PRKG1: variants seen among roughly 807,000 people sequenced by gnomAD.
The protein encoded by PRKG1 is protein kinase cGMP-dependent 1, also known as cGMP-dependent protein kinase 1.
In PRKG1, 35 loss-of-function variants were observed where a neutral mutation model predicts 88.1. That is an observed-to-expected ratio of 0.40 (90% CI 0.30 to 0.53). The LOEUF (loss-of-function observed/expected upper bound fraction) is 0.53. Ranked by LOEUF, PRKG1 falls within the 20% of genes least tolerant of loss-of-function variation. The probability of loss-of-function intolerance (pLI) is 0.59; values close to 1 mark genes in which losing one functional copy is unlikely to be tolerated. For synonymous variants in PRKG1, 303 were observed against 292.5 expected, an observed-to-expected ratio of 1.04 and a Z score of -0.37; for missense variants, 540 against 839.8, an observed-to-expected ratio of 0.64 and a Z score of 4.41.
chr10:51,214,806 C>A (rs1397953508), intron 2 of PRKG1, among the ~76,000 whole-genome samples: 1 of 152,134 alleles, frequency 6.6e-6, no homozygotes, highest in African/African-American at 2.4e-5. Flanking sequence ...TATCAATGAA[C>A]TAACAGCAAA....
At position 51,648,826 on chromosome 10, in the gene PRKG1, A is replaced by G. The variant is rs955196883; in HGVS notation, c.593-155759A>G. ...GGAAAACAGAGCATTTCTAGGAATT[A>G]ACTATGTCACATGGAGGAAGTAATT... On this transcript the variant is annotated intron_variant, in intron 3 of 17. Coordinates refer to ENST00000373980, the MANE Select transcript of PRKG1 (RefSeq NM_006258.4). 3.9e-5 allele frequency among the ~76,000 whole-genome samples: 6 copies of G among 152,200 alleles called. No individual in the cohort carries two copies. In the East Asian group the frequency reaches 1.2e-3, roughly 29 times the overall value.
intron 3 of PRKG1, chr10:51,698,609 ATAG>A: frequency 6.2e-7 from 1 of 1,613,890 alleles, no homozygotes; most frequent in South Asian, 1.1e-5. Flanking sequence ...TCCGCGAGGT[ATAG>A]GAGCTCTAGG....
intron 3 of PRKG1, among the ~76,000 whole-genome samples, chr10:51,773,725 C>T (rs1431381115): frequency 1.3e-5 from 2 of 152,024 alleles, no homozygotes; most frequent in African/African-American, 4.8e-5. Flanking sequence ...TATATGTATA[C>T]CATGTACCAT....
At chr10:51,429,470 T>A (rs1049621418) in intron 2 of PRKG1, among the ~76,000 whole-genome samples, 1 of 151,840 alleles carries the variant, frequency 6.6e-6, no homozygotes, top group Non-Finnish European at 1.5e-5. Context: ...TGGCCCAGAC[T>A]AAGAAAAAAA....
chr10:51,632,794 G>A lies in PRKG1; in HGVS notation c.592+164958G>A, dbSNP rs1378829001. Among the ~76,000 whole-genome samples, 5 of 152,164 alleles carry A rather than the reference G, an allele frequency of 3.3e-5. No individual in the cohort carries two copies. The East Asian group carries it at 5.8e-4, about 18-fold the overall frequency. On this transcript the variant is annotated intron_variant, in intron 3 of 17. Coordinates refer to ENST00000373980, the MANE Select transcript of PRKG1 (RefSeq NM_006258.4). ...CTGTGGTAAAACTGCACTTACTGAC[G>A]CATGCCTCTCCTTGCTGGTGAAATT...
chr10:51,666,114 C>G (rs1167160673), intron 3 of PRKG1, among the ~76,000 whole-genome samples: 2 of 151,992 alleles, frequency 1.3e-5, no homozygotes, highest in Non-Finnish European at 2.9e-5. Context: ...TTGTATGTAC[C>G]ATATAACAGG....
chr10:52,023,780 T>C (rs1441136619), intron 5 of PRKG1, among the ~76,000 whole-genome samples: 1 of 152,158 alleles, frequency 6.6e-6, no homozygotes, highest in Non-Finnish European at 1.5e-5. Flanking sequence ...CCTTATAAAT[T>C]TGTTTAAGTT....
intron 4 of PRKG1, among the ~76,000 whole-genome samples, chr10:51,903,555 C>T (rs7097348): frequency 0.75 from 114,362 of 152,066 alleles, 43,492 homozygotes; most frequent in African/African-American, 0.87. Flanking sequence ...AGTAGATAAA[C>T]AAAAAATGAT....
chr10:52,135,562 A>G (rs140625436), intron 8 of PRKG1, among the ~76,000 whole-genome samples: 197 of 152,272 alleles, frequency 1.3e-3, no homozygotes, highest in African/African-American at 4.2e-3. Flanking sequence ...GGAGGAACCC[A>G]TAAGAAATGA....
chr10:51,148,487 A>T (rs2131967094), intron 1 of PRKG1, among the ~76,000 whole-genome samples: 1 of 152,256 alleles, frequency 6.6e-6, no homozygotes, highest in East Asian at 1.9e-4. Flanking sequence ...AATCAAAGAG[A>T]TCAGATGTTA....
chr10:51,197,831 G>A (rs1038533120), intron 2 of PRKG1, among the ~76,000 whole-genome samples: 1 of 150,714 alleles, frequency 6.6e-6, no homozygotes, highest in African/African-American at 2.4e-5. Context: ...AAAAGTAATT[G>A]TGGTTTCTGC....
chr10:51,478,142 T>C (rs1252204100), intron 3 of PRKG1, among the ~76,000 whole-genome samples: 1 of 152,122 alleles, frequency 6.6e-6, no homozygotes, highest in Non-Finnish European at 1.5e-5. Flanking sequence ...ATTTTGAGTC[T>C]GTGTGTACAC....
At chr10:51,491,789 C>T (rs894461979) in intron 3 of PRKG1, among the ~76,000 whole-genome samples, 2 of 152,128 alleles carry the variant, frequency 1.3e-5, no homozygotes, top group African/African-American at 4.8e-5. Flanking sequence ...ATCATACTCT[C>T]ATGAAATCAC....
chr10:51,434,197 C>G (rs540643799), intron 2 of PRKG1, among the ~76,000 whole-genome samples: 13 of 152,152 alleles, frequency 8.5e-5, no homozygotes, highest in Admixed American at 8.5e-4. Flanking sequence ...GTTACTTAAC[C>G]CCAAGGCAGT....
intron 3 of PRKG1, among the ~76,000 whole-genome samples, chr10:51,727,336 T>C (rs1842160355): frequency 6.6e-6 from 1 of 151,546 alleles, no homozygotes; most frequent in African/African-American, 2.4e-5. Context: ...ATTTTTGGAA[T>C]TTTGATGTCT....
intron 3 of PRKG1, among the ~76,000 whole-genome samples, chr10:51,648,069 T>G (rs571581267): frequency 6.6e-6 from 1 of 151,618 alleles, no homozygotes; most frequent in Non-Finnish European, 1.5e-5. Context: ...CACACACATA[T>G]GTAATGTTTA....
chr10:51,252,081 G>A (rs773912137), intron 2 of PRKG1, among the ~76,000 whole-genome samples: 14 of 151,730 alleles, frequency 9.2e-5, no homozygotes, highest in Non-Finnish European at 1.6e-4. Flanking sequence ...ACATGCATGA[G>A]TGTCTTCTCT....
At chr10:51,822,438 A>G (rs1839773386) in intron 4 of PRKG1, among the ~76,000 whole-genome samples, 1 of 152,146 alleles carries the variant, frequency 6.6e-6, no homozygotes, top group East Asian at 1.9e-4. Context: ...ATAGGGAGCT[A>G]TTGAACAAAT....
intron 9 of PRKG1, among the ~76,000 whole-genome samples, chr10:52,214,353 A>G (rs1046021505): frequency 6.6e-6 from 1 of 152,182 alleles, no homozygotes; most frequent in Non-Finnish European, 1.5e-5. Context: ...CAGCATGAAA[A>G]TATGCAAACA....
Sources: gnomAD v4.1 joint callset for allele counts (sites outside exome capture counted in the v4.1 genomes callset) on GRCh38, gnomAD v4.1.1 for gene constraint, MANE v1.5 for transcripts, NCBI Gene and HGNC (gene_info 2026-07-23, HGNC 2026-07-21) for gene names.